CAPN15: variants seen among roughly 807,000 people sequenced by gnomAD.
CAPN15 encodes calpain 15, also known as calpain-15.
CAPN15 carries 53 observed loss-of-function variants against 97.9 expected under a neutral mutation model. That is an observed-to-expected ratio of 0.54 (90% CI 0.43 to 0.68). The LOEUF is 0.68. Ranked by LOEUF, CAPN15 falls within the 30% of genes least tolerant of loss-of-function variation. The probability of loss-of-function intolerance (pLI) is 0.00; values close to 1 mark genes in which losing one functional copy is unlikely to be tolerated. For missense variants in CAPN15, 1,592 were observed against 1,589.8 expected (o/e 1.00, Z -0.02); for synonymous variants, 922 against 722.5 (o/e 1.28, Z -4.43).
At position 553,888 on chromosome 16, in the gene CAPN15, G is replaced by T; in HGVS notation, c.*372G>T. 4.9e-6 allele frequency: 1 copy of T among 202,166 alleles called. No homozygotes were observed. Among genetic ancestry groups the T allele is most frequent in the Non-Finnish European group, 9.9e-6 (1 of 100,906 alleles). 12.5% of individuals were successfully genotyped at this position (202,166 alleles called of 1,614,324 possible). A position where few individuals can be genotyped will look rare whatever the true frequency, so the allele number is the denominator to read the frequency against. On this transcript the variant is annotated 3_prime_UTR_variant, in exon 14 of 14. Transcript: ENST00000219611. ...GCTCTGTCCGCAAAACCAAATCTGG[G>T]TGTCAGAGGCCAAGACCCTGGGGTG...
At position 553,977 on chromosome 16, in the gene CAPN15, C is replaced by T. The variant is rs561145019; in HGVS notation, c.*461C>T. On this transcript the variant is annotated 3_prime_UTR_variant, in exon 14 of 14. Transcript: ENST00000219611. ...TTCCCCCAGAGCCCGGGTCCCTGTC[C>T]CCCACAGGGCAGGCGGGGTCCCTGG... The T allele has an allele frequency of 3.3e-4, 61 of 186,644 alleles. No homozygotes were observed. Among genetic ancestry groups the T allele is most frequent in the Admixed American group, 1.2e-3 (21 of 18,102 alleles). 11.6% of individuals were successfully genotyped at this position (186,644 alleles called of 1,614,324 possible).
rs146241651 is a variant in CAPN15 at position 546,916 on chromosome 16, C to T, written c.78C>T (p.Cys26=). The T allele has an allele frequency of 4.3e-5, 70 of 1,611,230 alleles. No individual in the cohort carries two copies. Among genetic ancestry groups the T allele is most frequent in the East Asian group, 4.0e-4 (18 of 44,864 alleles). ...NPAGQRQCSI[C]EAPRHKPDLN... is the part of the protein sequence containing the mutation. ...CCGGCCAGCGCCAGTGCTCCATCTGCGAGGCTCCCCGGCACAAGCCCGACC... is the reference window on the plus strand; with the variant it reads ...CCGGCCAGCGCCAGTGCTCCATCTGTGAGGCTCCCCGGCACAAGCCCGACC... Residue 26 remains cysteine (C), a synonymous_variant, in exon 4 of 14, where the codon TGC becomes TGT. Coordinates refer to ENST00000219611, the MANE Select transcript of CAPN15 (RefSeq NM_005632.3).
At chr16:544,929 C>T (rs184765364) in intron 3 of CAPN15, among the ~76,000 whole-genome samples, 1 of 144,750 alleles carries the variant, frequency 6.9e-6, no homozygotes, top group Non-Finnish European at 1.5e-5. Context: ...CTGCCCTGAG[C>T]CCGCTCCCTT....
chr16:547,913 A>G lies in CAPN15; in HGVS notation c.1075A>G (p.Arg359Gly). The change falls in exon 4 of 14, where the codon AGG (arginine) becomes GGG (glycine). Residue 359 changes from arginine to glycine, a missense_variant. This residue lies in a region of CAPN15 where 883 missense variants were observed against 776.6 expected (regional missense o/e 1.14). Transcript: ENST00000219611. ...GCTCAGAAACCCCACAGTGGCCCCC[A>G]GGTGCTCGGCCTGCGGCTGCTCCAA... ...CTLRNPTVAP[R>G]CSACGCSKLH... is the part of the protein sequence containing the mutation. 6.2e-7 allele frequency: 1 copy of G among 1,608,990 alleles called. No individual in the cohort carries two copies. Among genetic ancestry groups the G allele is most frequent in the Non-Finnish European group, 8.5e-7 (1 of 1,178,290 alleles).
intron 7 of CAPN15, among the ~76,000 whole-genome samples, chr16:550,698 C>T (rs1462049566): frequency 6.7e-6 from 1 of 150,222 alleles, no homozygotes; most frequent in African/African-American, 2.4e-5. Context: ...GGTGAGGGTC[C>T]CGGTCGGTGA....
At chr16:551,935 C>A in intron 9 of CAPN15, 116 bp from the exon 10 acceptor site, 1 of 1,195,736 alleles carries the variant, frequency 8.4e-7, no homozygotes, top group South Asian at 1.3e-5. Flanking sequence ...TGCAAGAGGA[C>A]GGTGACGGAG....
At chr16:537,546 C>A in intron 3 of CAPN15, 1 of 625,446 alleles carries the variant, frequency 1.6e-6, no homozygotes, top group Non-Finnish European at 2.0e-6. Context: ...AGCTCAGGGC[C>A]CAGTGCAAGC....
At chr16:537,444 G>A (rs1036440138) in intron 3 of CAPN15, 111 of 985,634 alleles carry the variant, frequency 1.1e-4, no homozygotes, top group African/African-American at 3.8e-4. Flanking sequence ...GGGTGAGTGC[G>A]TGGGTGGGTG....
chr16:551,980 T>G (rs2035118615), intron 9 of CAPN15, 71 bp from the exon 10 acceptor site: 1 of 1,475,262 alleles, frequency 6.8e-7, no homozygotes, highest in Non-Finnish European at 9.2e-7. Flanking sequence ...GGCCTGTGGT[T>G]GCGGTAGGCG....
At chr16:534,229 G>T (rs1026650413) in intron 2 of CAPN15, among the ~76,000 whole-genome samples, 2 of 151,956 alleles carry the variant, frequency 1.3e-5, no homozygotes, top group African/African-American at 2.4e-5. Context: ...CCGGGGTCCC[G>T]ACAGGGGTGT....
chr16:550,654 G>T (rs967950488), intron 7 of CAPN15, among the ~76,000 whole-genome samples: 1 of 150,550 alleles, frequency 6.6e-6, no homozygotes, highest in African/African-American at 2.4e-5. Context: ...GTTCCCTGTC[G>T]GTGAGGGTCC....
At chr16:531,856 C>T (rs1166286623) in intron 1 of CAPN15, among the ~76,000 whole-genome samples, 6 of 152,204 alleles carry the variant, frequency 3.9e-5, no homozygotes, top group Non-Finnish European at 8.8e-5. Flanking sequence ...CTGCCCAGAC[C>T]AGGGCTGCTT....
chr16:551,449 GT>G, intron 8 of CAPN15, 22 bp downstream of exon 8: 1 of 1,601,550 alleles, frequency 6.2e-7, no homozygotes, highest in Non-Finnish European at 8.5e-7. Flanking sequence ...CTGGCTGAGG[GT>G]GGGTGGGGTG....
At chr16:534,231 C>CGGGGCCGTGGTCCTGTTGTGGG (rs370331827) in intron 2 of CAPN15, among the ~76,000 whole-genome samples, 1 of 147,792 alleles carries the variant, frequency 6.8e-6, no homozygotes, top group African/African-American at 2.7e-5. Flanking sequence ...GGGGTCCCGA[C>CGGGGCCGTGGTCCTGTTGTGGG]AGGGGTGTTT....
At chr16:545,542 T>C (rs1420217223) in intron 3 of CAPN15, among the ~76,000 whole-genome samples, 1 of 152,238 alleles carries the variant, frequency 6.6e-6, no homozygotes, top group African/African-American at 2.4e-5. Context: ...CCTCCTGAAG[T>C]GCAGACGTCT....
chr16:536,649 C>T (rs1199854158), intron 3 of CAPN15, among the ~76,000 whole-genome samples: 1 of 152,210 alleles, frequency 6.6e-6, no homozygotes. Flanking sequence ...TAGTCTTGAA[C>T]TCCTGACCTC....
At chr16:533,024 C>T (rs953987805) in intron 1 of CAPN15, among the ~76,000 whole-genome samples, 1 of 151,946 alleles carries the variant, frequency 6.6e-6, no homozygotes, top group Non-Finnish European at 1.5e-5. Context: ...AGTTCGAGAC[C>T]AGCCTGACCA....
intron 3 of CAPN15, among the ~76,000 whole-genome samples, chr16:543,785 G>A (rs566697551): frequency 2.2e-4 from 33 of 152,316 alleles, no homozygotes; most frequent in Non-Finnish European, 4.0e-4. Flanking sequence ...GGAGGGCGCC[G>A]GGACTGGGGA....
At chr16:543,041 A>G (rs2034256085) in intron 3 of CAPN15, among the ~76,000 whole-genome samples, 1 of 151,654 alleles carries the variant, frequency 6.6e-6, no homozygotes, top group Admixed American at 6.6e-5. Context: ...ACAGAGTGAG[A>G]CTCTGTCTCA....
Sources: gnomAD v4.1 joint callset for allele counts (sites outside exome capture counted in the v4.1 genomes callset) on GRCh38, gnomAD v4.1.1 for gene constraint, gnomAD v4.1.1 regional missense constraint, MANE v1.5 for transcripts, NCBI Gene and HGNC (gene_info 2026-07-23, HGNC 2026-07-21) for gene names.